Variants in COL26A1 observed in about 807,000 individuals in gnomAD.
COL26A1 encodes the protein collagen alpha-1(XXVI) chain.
COL26A1 carries 41 observed loss-of-function variants against 59.3 expected under a neutral mutation model. The observed-to-expected ratio is 0.69, with a 90% CI of 0.54 to 0.90. The LOEUF is 0.90. Among genes scored for constraint, COL26A1 ranks in the 40% least tolerant of loss-of-function variants. COL26A1 has a pLI of 0.00. For missense variants in COL26A1, 612 were observed against 602.3 expected, an observed-to-expected ratio of 1.02 and a Z score of -0.17; for synonymous variants, 266 against 256.0, an observed-to-expected ratio of 1.04 and a Z score of -0.37.
intron 3 of COL26A1, among the ~76,000 whole-genome samples, chr7:101,506,735 C>T (rs1794819574): frequency 1.3e-5 from 2 of 152,228 alleles, no homozygotes; most frequent in Admixed American, 6.5e-5. Flanking sequence ...CTCATAACAG[C>T]TCTGCAAGAT....
chr7:101,489,653 C>CTTTCT (rs1794349430), intron 3 of COL26A1, among the ~76,000 whole-genome samples: 2 of 74,938 alleles, frequency 2.7e-5, no homozygotes, highest in Admixed American at 2.4e-4. Context: ...TTCTTTCTTT[C>CTTTCT]TTTCTTTCTT....
chr7:101,497,574 G>C (rs1026938160), intron 3 of COL26A1, among the ~76,000 whole-genome samples: 1 of 152,146 alleles, frequency 6.6e-6, no homozygotes, highest in Non-Finnish European at 1.5e-5. Flanking sequence ...TACTCAGGAG[G>C]CTGAGGTGGG....
chr7:101,551,223 G>C, intron 10 of COL26A1, 80 bp downstream of exon 10: 1 of 1,049,924 alleles, frequency 9.5e-7, no homozygotes, highest in Non-Finnish European at 1.4e-6. Flanking sequence ...TGGGTGGCGG[G>C]GGTTGGTGGG....
chr7:101,553,356 G>C lies in COL26A1; in HGVS notation c.1060G>C (p.Glu354Gln), dbSNP rs759691002. Reference protein sequence around the residue: ...GEPGVKGEEGEKAATAEGEGV... With the variant: ...GEPGVKGEEGQKAATAEGEGV... ...ACCTGGCGTGAAGGGGGAAGAAGGA[G>C]AGAAAGCCGCCACTGCAGAGGTAAC... Residue 354 changes from glutamate to glutamine, a missense_variant, in exon 11 of 13, where the codon GAG (glutamate) becomes CAG (glutamine). By Grantham distance (29) the Glu-to-Gln change is conservative. Transcript: ENST00000313669. The C allele has an allele frequency of 7.4e-6, 12 of 1,613,720 alleles. No homozygotes were observed. Among genetic ancestry groups the C allele is most frequent in the Non-Finnish European group, 1.0e-5 (12 of 1,179,822 alleles).
At chr7:101,467,324 G>A (rs1019284879) in intron 3 of COL26A1, among the ~76,000 whole-genome samples, 2 of 144,000 alleles carry the variant, frequency 1.4e-5, no homozygotes, top group African/African-American at 4.9e-5. Context: ...AGGGGCTGCC[G>A]AGTGGGTCTT....
chr7:101,558,283 G>A lies in COL26A1; in HGVS notation c.*753G>A, dbSNP rs1295671413. On this transcript the variant is annotated 3_prime_UTR_variant, in exon 13 of 13. Transcript: ENST00000313669. The stretch of plus-strand genomic sequence containing the variant: ...AAATCACTGCCAGCCATACGGACTT[G>A]AGGACCTTGAGAGAGAAGCATTGGG... 6.6e-6 allele frequency: 1 copy of A among 152,300 alleles called. No individual in the cohort carries two copies. The highest frequency in any genetic ancestry group is 1.5e-5 in the Non-Finnish European group (1 of 68,096). The allele number at this position is 152,300 out of a possible 1,614,324, so 9.4% of individuals were successfully genotyped here.
intron 2 of COL26A1, among the ~76,000 whole-genome samples, chr7:101,445,958 G>A (rs1353856184): frequency 6.9e-6 from 1 of 144,522 alleles, no homozygotes; most frequent in Non-Finnish European, 1.5e-5. Flanking sequence ...TGAGGCAGGA[G>A]AATCGCTTGA....
chr7:101,525,793 G>A (rs1208131309), intron 3 of COL26A1, among the ~76,000 whole-genome samples: 1 of 152,162 alleles, frequency 6.6e-6, no homozygotes, highest in Non-Finnish European at 1.5e-5. Context: ...ACTGCACCTG[G>A]CACTTCATTC....
At chr7:101,382,820 C>G (rs531015969) in intron 1 of COL26A1, among the ~76,000 whole-genome samples, 1 of 152,222 alleles carries the variant, frequency 6.6e-6, no homozygotes, top group African/African-American at 2.4e-5. Flanking sequence ...CTGAGGCGGG[C>G]AGACTGCTTG....
At chr7:101,425,138 T>G (rs6465805) in intron 2 of COL26A1, among the ~76,000 whole-genome samples, 109,369 of 150,000 alleles carry the variant, frequency 0.73, 40,971 homozygotes, top group African/African-American at 0.9. Flanking sequence ...TGTAATCCTA[T>G]AACTTTGGGA....
At chr7:101,370,234 G>C (rs1246353104) in intron 1 of COL26A1, among the ~76,000 whole-genome samples, 1 of 152,134 alleles carries the variant, frequency 6.6e-6, no homozygotes, top group Non-Finnish European at 1.5e-5. Context: ...TGATCTTATA[G>C]CACCTGCAAG....
At chr7:101,384,108 G>A (rs1791510793) in intron 1 of COL26A1, among the ~76,000 whole-genome samples, 1 of 152,064 alleles carries the variant, frequency 6.6e-6, no homozygotes. Context: ...CCAACTCCTG[G>A]GCTCAGGTGA....
intron 3 of COL26A1, among the ~76,000 whole-genome samples, chr7:101,464,394 C>T (rs1793705466): frequency 6.8e-6 from 1 of 148,004 alleles, no homozygotes; most frequent in African/African-American, 2.5e-5. Context: ...GCCACCAAGC[C>T]CAGCATCTAA....
chr7:101,397,671 G>T (rs532258910), intron 1 of COL26A1, among the ~76,000 whole-genome samples: 54 of 151,816 alleles, frequency 3.6e-4, no homozygotes, highest in African/African-American at 1.3e-3. Context: ...CGAGTAGCTG[G>T]GACTACAGGC....
chr7:101,554,209 C>T (rs1040003337), intron 11 of COL26A1, among the ~76,000 whole-genome samples: 4 of 151,934 alleles, frequency 2.6e-5, no homozygotes, highest in Admixed American at 1.3e-4. Context: ...AAGCTAAAAG[C>T]GAAAGTGCCT....
At chr7:101,420,429 T>C (rs1241438428) in intron 2 of COL26A1, among the ~76,000 whole-genome samples, 1 of 152,062 alleles carries the variant, frequency 6.6e-6, no homozygotes, top group African/African-American at 2.4e-5. Context: ...CAACCAGCCT[T>C]ATGGCTCCAG....
At chr7:101,504,827 A>G (rs113398064) in intron 3 of COL26A1, among the ~76,000 whole-genome samples, 3,206 of 150,410 alleles carry the variant, frequency 0.021, 120 homozygotes, top group African/African-American at 0.073. Flanking sequence ...GTGTGTGTGT[A>G]TGTGTGTGTG....
intron 2 of COL26A1, among the ~76,000 whole-genome samples, chr7:101,427,634 C>T (rs556656895): frequency 1.3e-5 from 2 of 150,150 alleles, no homozygotes; most frequent in African/African-American, 4.9e-5. Context: ...GCACTCCAGC[C>T]TGGGTGACAG....
intron 2 of COL26A1, among the ~76,000 whole-genome samples, chr7:101,438,143 C>T (rs1024440233): frequency 2.0e-5 from 3 of 151,378 alleles, no homozygotes; most frequent in Admixed American, 6.6e-5. Context: ...GGGCGGATCA[C>T]CTGAGGTCGG....
Sources: gnomAD v4.1 joint callset for allele counts (sites outside exome capture counted in the v4.1 genomes callset) on GRCh38, gnomAD v4.1.1 for gene constraint, MANE v1.5 for transcripts, NCBI Gene and HGNC (gene_info 2026-07-23, HGNC 2026-07-21) for gene names.